Variants in TLN2 observed in about 807,000 individuals in gnomAD.
TLN2 encodes the protein talin 2.
A neutral mutation model predicts 294.7 loss-of-function variants in TLN2; 118 were observed. The observed-to-expected ratio is 0.40, with a 90% CI of 0.34 to 0.47. The LOEUF (loss-of-function observed/expected upper bound fraction) is 0.47. Among genes scored for constraint, TLN2 ranks in the 20% least tolerant of loss-of-function variants. The pLI is 0.84. For missense variants in TLN2, 3,083 were observed against 3,282.2 expected (o/e 0.94, Z 1.48); for synonymous variants, 1,431 against 1,304.5 (o/e 1.10, Z -2.09).
At chr15:62,392,718 A>G (rs2032199970) in intron 1 of TLN2, among the ~76,000 whole-genome samples, 1 of 152,156 alleles carries the variant, frequency 6.6e-6, no homozygotes, top group African/African-American at 2.4e-5. Flanking sequence ...TCTTCACTGA[A>G]GAGGCTAGAA....
intron 1 of TLN2, among the ~76,000 whole-genome samples, chr15:62,543,133 C>G (rs1204864730): frequency 1.3e-5 from 2 of 152,182 alleles, no homozygotes; most frequent in African/African-American, 4.8e-5. Context: ...ATGTATTGCT[C>G]TCTGTCTGGC....
chr15:62,658,694 G>A (rs966396507), intron 9 of TLN2, among the ~76,000 whole-genome samples: 3 of 152,124 alleles, frequency 2.0e-5, no homozygotes, highest in African/African-American at 7.2e-5. Context: ...GTGTTCCTCA[G>A]GGCCTGCTTT....
chr15:62,828,484 AGTG>A (rs1419145089), intron 54 of TLN2: 4 of 152,262 alleles, frequency 2.6e-5, no homozygotes, highest in Admixed American at 2.6e-4. Context: ...TCTTTTTCCC[AGTG>A]CTGTCTTGTT....
At chr15:62,645,060 A>G (rs914325363) in intron 3 of TLN2, 6 of 158,770 alleles carry the variant, frequency 3.8e-5, no homozygotes, top group African/African-American at 1.4e-4. Context: ...TATGGATTTT[A>G]GCAATTGTTG....
chr15:62,551,689 ACT>A (rs1195442738), intron 1 of TLN2, among the ~76,000 whole-genome samples: 1 of 152,052 alleles, frequency 6.6e-6, no homozygotes. Context: ...TCAGAGCGAG[ACT>A]CTGTCTCAAA....
At chr15:62,725,922 A>G (rs1208645843) in intron 27 of TLN2, among the ~76,000 whole-genome samples, 1 of 152,206 alleles carries the variant, frequency 6.6e-6, no homozygotes, top group Non-Finnish European at 1.5e-5. Context: ...GGCGTAGAAC[A>G]ATGCCTGGTA....
At chr15:62,822,345 G>A (rs569422743) in intron 54 of TLN2, among the ~76,000 whole-genome samples, 145 of 152,254 alleles carry the variant, frequency 9.5e-4, no homozygotes, top group African/African-American at 3.4e-3. Context: ...GTGTGTCTGG[G>A]ACTTACTCCC....
chr15:62,589,080 G>C (rs962716081), intron 1 of TLN2, among the ~76,000 whole-genome samples: 4 of 152,034 alleles, frequency 2.6e-5, no homozygotes. Context: ...CTGTTTCGTA[G>C]ATAACGTGTG....
intron 28 of TLN2, among the ~76,000 whole-genome samples, chr15:62,732,626 G>A (rs1454890789): frequency 6.6e-6 from 1 of 152,150 alleles, no homozygotes; most frequent in East Asian, 1.9e-4. Flanking sequence ...TGTGTAGAAT[G>A]GATTGGACGG....
At chr15:62,825,941 G>C (rs535595843) in intron 54 of TLN2, among the ~76,000 whole-genome samples, 3 of 139,616 alleles carry the variant, frequency 2.1e-5, no homozygotes, top group African/African-American at 8.4e-5. Flanking sequence ...GCTGAGAATC[G>C]ATTGAACTTG....
intron 44 of TLN2, 25 bp downstream of exon 44, chr15:62,781,266 C>T (rs779141819): frequency 2.6e-6 from 4 of 1,557,660 alleles, no homozygotes; most frequent in Middle Eastern, 1.7e-4. Flanking sequence ...AGCTGCCCTC[C>T]CCACTGTTGT....
At position 62,442,703 on chromosome 15, in the gene TLN2, A is replaced by G. The variant is rs532977241; in HGVS notation, c.-238+52018A>G. Among the ~76,000 whole-genome samples, 5 of 152,194 alleles carry G rather than the reference A, an allele frequency of 3.3e-5. No homozygotes were observed. In the South Asian group the frequency reaches 1.0e-3, roughly 32 times the overall value. On this transcript the variant is annotated intron_variant, in intron 1 of 58. Transcript: ENST00000636159. The stretch of plus-strand genomic sequence containing the variant: ...TTCTTTCTCTATATTTTAATACCCA[A>G]CCTTCAAAATAAAATCAAAACAGAA...
Position 62,840,474 on chromosome 15 carries a change from C to T in TLN2, c.7501-8C>T, listed in dbSNP as rs1293430676. 6.2e-7 allele frequency: 1 copy of T among 1,613,864 alleles called. No homozygotes were observed. Among genetic ancestry groups the T allele is most frequent in the Non-Finnish European group, 8.5e-7 (1 of 1,179,938 alleles). The stretch of plus-strand genomic sequence containing the variant: ...TTAGGTCCATCCAGCTTGTTGCTTT[C>T]TTTCTAGATCATCGCCGCCCAGGAA... On this transcript the variant is annotated splice_region_variant and splice_polypyrimidine_tract_variant and intron_variant, in intron 58 of 58. Coordinates refer to ENST00000636159, the MANE Select transcript of TLN2 (RefSeq NM_015059.3).
intron 1 of TLN2, among the ~76,000 whole-genome samples, chr15:62,450,976 CTT>C (rs753232298): frequency 4.3e-5 from 6 of 138,926 alleles, no homozygotes; most frequent in Non-Finnish European, 6.3e-5. Flanking sequence ...AGTTCTCTCT[CTT>C]TTTTTTTTTT....
intron 9 of TLN2, among the ~76,000 whole-genome samples, chr15:62,659,053 T>C (rs1650224556): frequency 6.6e-6 from 1 of 152,218 alleles, no homozygotes; most frequent in East Asian, 1.9e-4. Flanking sequence ...TGTGAATCTA[T>C]GTCTCCCTGG....
At position 62,666,992 on chromosome 15, in the gene TLN2, G is replaced by T. The variant is rs141013658; in HGVS notation, c.789-6835G>T. On this transcript the variant is annotated intron_variant, in intron 9 of 58. Transcript: ENST00000636159. ...TTTTCTTTTTCTTTTTTGAGATGGA[G>T]TCTCGCTCTGTCGCCCAGGCTGGAG... 9.2e-3 allele frequency among the ~76,000 whole-genome samples: 1,405 copies of T among 152,282 alleles called. 9 individuals carry two copies. The highest frequency in any genetic ancestry group is 0.038 in the Middle Eastern group (11 of 292).
In TLN2 at chr15:62,783,762, T is replaced by C. The variant is rs1396726750; in HGVS notation, c.5617-9T>C. 1.3e-6 allele frequency: 2 copies of C among 1,590,820 alleles called. No individual in the cohort carries two copies. The highest frequency in any genetic ancestry group is 2.3e-5 in the East Asian group (1 of 44,224). On this transcript the variant is annotated splice_polypyrimidine_tract_variant and intron_variant, in intron 44 of 58. Transcript: ENST00000636159. ...GTGTGTGTGTGTCTTGCTTGTTTTC[T>C]TTTTCCAGATGACTAAGTCGGTTAC...
chr15:62,492,321 C>A (rs528324786), intron 1 of TLN2, among the ~76,000 whole-genome samples: 1 of 151,160 alleles, frequency 6.6e-6, no homozygotes, highest in Non-Finnish European at 1.5e-5. Context: ...CACTTTGGGA[C>A]GCCAAGGCGG....
At chr15:62,568,929 T>C (rs990132506) in intron 1 of TLN2, among the ~76,000 whole-genome samples, 13 of 152,140 alleles carry the variant, frequency 8.5e-5, no homozygotes, top group Admixed American at 5.9e-4. Flanking sequence ...TGGTGGCTTG[T>C]AACGACAGGA....
Sources: allele counts gnomAD v4.1 joint callset (sites outside exome capture counted in the v4.1 genomes callset), GRCh38; gene constraint gnomAD v4.1.1; transcripts MANE v1.5; gene names NCBI Gene and HGNC (gene_info 2026-07-23, HGNC 2026-07-21).